The following TSHZ3 variants were observed in gnomAD, a reference collection of about 807,000 sequenced individuals.
TSHZ3 encodes teashirt zinc finger homeobox 3.
TSHZ3 carries 10 observed loss-of-function variants against 64.5 expected under a neutral mutation model. The observed-to-expected ratio is 0.16, with a 90% CI of 0.10 to 0.26. The LOEUF (loss-of-function observed/expected upper bound fraction) is 0.26, where lower values mean the gene tolerates loss of function less well. Ranked by LOEUF, TSHZ3 falls within the 10% of genes least tolerant of loss-of-function variation. The probability of loss-of-function intolerance (pLI) is 1.00; values close to 1 mark genes in which losing one functional copy is unlikely to be tolerated. For missense variants in TSHZ3, 1,242 were observed against 1,421.7 expected (o/e 0.87, Z 2.03); for synonymous variants, 608 against 593.1 (o/e 1.03, Z -0.36).
At chr19:31,182,176 C>T (rs114888582) in intron 5 of TSHZ3, among the ~76,000 whole-genome samples, 91 of 152,302 alleles carry the variant, frequency 6.0e-4, no homozygotes, top group African/African-American at 2.1e-3. Context: ...GGAGAAAGAA[C>T]CCAGATAGAA....
At chr19:31,328,890 C>T (rs1329050895) in intron 1 of TSHZ3, among the ~76,000 whole-genome samples, 1 of 152,214 alleles carries the variant, frequency 6.6e-6, no homozygotes, top group Non-Finnish European at 1.5e-5. Flanking sequence ...TGTCACATAT[C>T]TGCATATCCT....
chr19:31,194,217 A>G (rs1010647817), intron 5 of TSHZ3, among the ~76,000 whole-genome samples: 3 of 152,210 alleles, frequency 2.0e-5, no homozygotes, highest in African/African-American at 4.8e-5. Flanking sequence ...GTCATTGGGT[A>G]TCCCTCACAA....
chr19:31,183,679 C>G (rs1974760000), intron 5 of TSHZ3, among the ~76,000 whole-genome samples: 1 of 152,094 alleles, frequency 6.6e-6, no homozygotes, highest in South Asian at 2.1e-4. Flanking sequence ...ATGGCTCAAC[C>G]TGTAAGGAGG....
chr19:31,228,934 C>T (rs1975506095), intron 3 of TSHZ3, among the ~76,000 whole-genome samples: 1 of 152,206 alleles, frequency 6.6e-6, no homozygotes, highest in South Asian at 2.1e-4. Flanking sequence ...TCCATCTCCT[C>T]CTTCCTCAAA....
chr19:31,214,029 A>C (rs1975294477), intron 4 of TSHZ3, among the ~76,000 whole-genome samples: 1 of 152,198 alleles, frequency 6.6e-6, no homozygotes, highest in Non-Finnish European at 1.5e-5. Context: ...TGTGGCCGCC[A>C]GGCCATCACT....
rs376239636 is a variant in TSHZ3, at chr19:31,333,472, A to G, written c.40+15708T>C. On this transcript the variant is annotated intron_variant, in intron 1 of 1. Coordinates refer to ENST00000240587, the MANE Select transcript of TSHZ3 (RefSeq NM_020856.4). ...ACCTGGATCGGCCCTTTTCACCCGC[A>G]TATCATCTTGAACCCAAACAGTCCC... 2.6e-5 allele frequency among the ~76,000 whole-genome samples: 4 copies of G among 152,212 alleles called. No individual in the cohort carries two copies. The South Asian group carries it at 8.3e-4, about 32-fold the overall frequency.
In TSHZ3 at chr19:31,232,333, C is replaced by A. The variant is rs192333267; in HGVS notation, n.551-4193G>T. Among the ~76,000 whole-genome samples the A allele has an allele frequency of 2.0e-5, 3 of 152,254 alleles. No individual in the cohort carries two copies. The East Asian group carries it at 5.8e-4, about 29-fold the overall frequency. Reference sequence around the variant, plus strand: ...ACGCTTTTTAAAGAGCAGAGGCCAACAAGCAGTGATCTGACAAATAGTATA... The same window carrying A: ...ACGCTTTTTAAAGAGCAGAGGCCAAAAAGCAGTGATCTGACAAATAGTATA... On this transcript the variant is annotated intron_variant and non_coding_transcript_variant, in intron 3 of 6. Coordinates refer to the TSHZ3 transcript ENST00000651361.
intron 1 of TSHZ3, 96 bp downstream of exon 1, chr19:31,349,084 A>G (rs1007324594): frequency 6.9e-7 from 1 of 1,459,162 alleles, no homozygotes; most frequent in African/African-American, 1.5e-5. Flanking sequence ...TGCGGGCAGA[A>G]GAGCGGGGCG....
At chr19:31,193,281 T>C (rs1260173287) in intron 5 of TSHZ3, among the ~76,000 whole-genome samples, 4 of 152,168 alleles carry the variant, frequency 2.6e-5, no homozygotes, top group Non-Finnish European at 5.9e-5. Context: ...TTTAAACTAT[T>C]TCAGTCATAT....
chr19:31,333,155 CA>C (rs1917144924), intron 1 of TSHZ3, among the ~76,000 whole-genome samples: 1 of 140,868 alleles, frequency 7.1e-6, no homozygotes, highest in African/African-American at 2.7e-5. Context: ...TAAATAAATC[CA>C]GGGGTGAAGG....
Position 31,240,796 on chromosome 19 carries a change from T to A in TSHZ3, n.550+1473A>T, listed in dbSNP as rs188098843. 4.7e-4 allele frequency among the ~76,000 whole-genome samples: 71 copies of A among 152,296 alleles called. No homozygotes were observed. The East Asian group carries it at 0.013, about 27-fold the overall frequency. On this transcript the variant is annotated intron_variant and non_coding_transcript_variant, in intron 3 of 6. Transcript: ENST00000651361. ...TCTCTGCCCAGTTATAATCTTCTGT[T>A]AGGTTCATCTGGTAATTTTTTTAAA...
intron 5 of TSHZ3, among the ~76,000 whole-genome samples, chr19:31,172,676 A>T (rs1974552108): frequency 6.6e-6 from 1 of 152,268 alleles, no homozygotes; most frequent in Non-Finnish European, 1.5e-5. Flanking sequence ...AAGTATCTGC[A>T]GGGAACAGAA....
chr19:31,183,222 CTCTCTT>C (rs57794649), intron 5 of TSHZ3, among the ~76,000 whole-genome samples: 12,291 of 45,746 alleles, frequency 0.27, 702 homozygotes, highest in African/African-American at 0.37. Context: ...CTCTCTCTCT[CTCTCTT>C]TCTCTCTCTC....
chr19:31,217,367 A>C (rs570382616), intron 4 of TSHZ3, among the ~76,000 whole-genome samples: 1 of 152,172 alleles, frequency 6.6e-6, no homozygotes, highest in African/African-American at 2.4e-5. Flanking sequence ...GGGCTGGTGG[A>C]TGAAAGGCGA....
chr19:31,298,726 G>A (rs1215630326), intron 1 of TSHZ3, among the ~76,000 whole-genome samples: 1 of 152,128 alleles, frequency 6.6e-6, no homozygotes, highest in Non-Finnish European at 1.5e-5. Flanking sequence ...TGAAGAGACT[G>A]ACGCTTAGAG....
intron 1 of TSHZ3, among the ~76,000 whole-genome samples, chr19:31,300,755 C>T (rs1399208871): frequency 1.3e-5 from 2 of 152,108 alleles, no homozygotes; most frequent in African/African-American, 4.8e-5. Context: ...AGGAGAGATT[C>T]TCGGTAGGAA....
intron 1 of TSHZ3, among the ~76,000 whole-genome samples, chr19:31,259,202 A>G (rs1217285556): frequency 6.6e-6 from 1 of 152,252 alleles, no homozygotes; most frequent in Non-Finnish European, 1.5e-5. Context: ...AGGCTATTAG[A>G]CAAGTGAGGA....
intron 5 of TSHZ3, among the ~76,000 whole-genome samples, chr19:31,161,720 A>G (rs1245668248): frequency 6.6e-6 from 1 of 152,186 alleles, no homozygotes; most frequent in Non-Finnish European, 1.5e-5. Flanking sequence ...TTGCATTTTT[A>G]GAACCGGCCT....
chr19:31,211,513 G>A (rs1217757389), intron 4 of TSHZ3, among the ~76,000 whole-genome samples: 1 of 152,158 alleles, frequency 6.6e-6, no homozygotes, highest in Non-Finnish European at 1.5e-5. Context: ...GGCAGGACTG[G>A]GCTAGCCTGG....
Sources: gnomAD v4.1 joint callset for allele counts (sites outside exome capture counted in the v4.1 genomes callset) on GRCh38, gnomAD v4.1.1 for gene constraint, MANE v1.5 for transcripts, NCBI Gene and HGNC (gene_info 2026-07-23, HGNC 2026-07-21) for gene names.